The following ATG5 variants were observed in gnomAD, a reference collection of about 807,000 sequenced individuals.
ATG5 encodes the protein autophagy protein 5.
In ATG5, 14 loss-of-function variants were observed where a neutral mutation model predicts 36.5. The ratio of observed to expected loss-of-function variants is 0.38; its 90% CI spans 0.25 to 0.60. ATG5 has a LOEUF of 0.60. Among genes scored for constraint, ATG5 ranks in the 20% least tolerant of loss-of-function variants. ATG5 has a pLI of 0.60. For missense variants in ATG5, 195 were observed against 326.7 expected, an observed-to-expected ratio of 0.60 and a Z score of 3.11; for synonymous variants, 95 against 101.5, an observed-to-expected ratio of 0.94 and a Z score of 0.38.
chr6:106,318,051 AAAGTT>A (rs1770923230), intron 1 of ATG5, among the ~76,000 whole-genome samples: 1 of 152,214 alleles, frequency 6.6e-6, no homozygotes, highest in South Asian at 2.1e-4. Context: ...ATATTTAATA[AAAGTT>A]AATTACAAGC....
At chr6:106,232,898 G>A (rs1777745228) in intron 6 of ATG5, among the ~76,000 whole-genome samples, 1 of 151,990 alleles carries the variant, frequency 6.6e-6, no homozygotes, top group Admixed American at 6.5e-5. Flanking sequence ...ATTCTTATTT[G>A]CCTTTGAAGA....
At position 106,290,754 on chromosome 6, in the gene ATG5, C is replaced by A. The variant is rs118059426; in HGVS notation, c.315+2274G>T. On this transcript the variant is annotated intron_variant, in intron 4 of 7. Transcript: ENST00000369076. The stretch of plus-strand genomic sequence containing the variant: ...ATGCATGATCTTGTAACATCAAGCA[C>A]TGGTCATCTGGAAATGTTCACTGAT... Among the ~76,000 whole-genome samples, 127 of 152,332 alleles carry A rather than the reference C, an allele frequency of 8.3e-4. 2 individuals carry two copies. In the East Asian group the frequency reaches 0.021, roughly 25 times the overall value.
chr6:106,185,324 C>T lies in ATG5; in HGVS notation c.*1216G>A, dbSNP rs1249914309. 4 of 152,656 alleles carry T rather than the reference C, an allele frequency of 2.6e-5. No homozygotes were observed. The highest frequency in any genetic ancestry group is 4.8e-5 in the African/African-American group (2 of 41,398). 9.5% of individuals were successfully genotyped at this position (152,656 alleles called of 1,614,324 possible). ...GTGTCTGATACTGTAAGCCTTTTAG[C>T]GTACTCAAATGGGTCAACATTCAAT... On this transcript the variant is annotated 3_prime_UTR_variant, in exon 8 of 8. Transcript: ENST00000369076.
Position 106,293,175 on chromosome 6 carries a change from T to A in ATG5, c.237-69A>T, listed in dbSNP as rs942949511. Reference sequence around the variant, plus strand: ...TTATAACTACAAGGCCAAAATAAATTTCCAACACATATTTTAACACCAAAT... The same window carrying A: ...TTATAACTACAAGGCCAAAATAAATATCCAACACATATTTTAACACCAAAT... On this transcript the variant is annotated intron_variant, in intron 3 of 7. Transcript: ENST00000369076. 1.4e-5 allele frequency: 18 copies of A among 1,281,964 alleles called. No individual in the cohort carries two copies. The African/African-American group carries it at 2.5e-4, about 18-fold the overall frequency. 79.4% of individuals were successfully genotyped at this position (1,281,964 alleles called of 1,614,324 possible).
intron 6 of ATG5, among the ~76,000 whole-genome samples, chr6:106,229,646 T>C (rs1319574956): frequency 2.6e-5 from 4 of 152,190 alleles, no homozygotes; most frequent in Non-Finnish European, 4.4e-5. Flanking sequence ...TCCGCGACCC[T>C]ATAACACTCC....
chr6:106,186,617 G>A lies in ATG5; in HGVS notation c.751C>T (p.Leu251=), dbSNP rs770143894. The stretch of plus-strand genomic sequence containing the variant: ...CTCAGATGTTCACTCAGCCACTGCA[G>A]AGGTGTTTCCAACATTGGCTCAATT... The part of the protein sequence containing the change: ...HGIEPMLETP[L]QWLSEHLSYP... Residue 251 remains leucine (L), a synonymous_variant, in exon 8 of 8, where the codon CTG becomes TTG. Coordinates refer to ENST00000369076, the MANE Select transcript of ATG5 (RefSeq NM_004849.4). The A allele has an allele frequency of 6.2e-7, 1 of 1,613,698 alleles. No homozygotes were observed. Among genetic ancestry groups the A allele is most frequent in the African/African-American group, 1.3e-5 (1 of 75,032 alleles).
chr6:106,295,055 A>T (rs9398077), intron 3 of ATG5, among the ~76,000 whole-genome samples: 7,086 of 145,354 alleles, frequency 0.049, 450 homozygotes, highest in East Asian at 0.25. Flanking sequence ...ATTAAAAAAA[A>T]ATATACATAC....
At chr6:106,265,168 CAAAAA>C (rs748718301) in intron 5 of ATG5, among the ~76,000 whole-genome samples, 2 of 56,730 alleles carry the variant, frequency 3.5e-5, no homozygotes, top group African/African-American at 6.8e-5. Context: ...AAATGGAAAG[CAAAAA>C]AAAAAAAAAA....
chr6:106,262,559 T>G (rs968741145), intron 5 of ATG5, among the ~76,000 whole-genome samples: 2 of 151,826 alleles, frequency 1.3e-5, no homozygotes, highest in East Asian at 3.9e-4. Flanking sequence ...CATTCTCGAG[T>G]TGATAAGATG....
intron 7 of ATG5, among the ~76,000 whole-genome samples, chr6:106,192,021 T>A (rs1485755513): frequency 2.0e-5 from 3 of 152,148 alleles, no homozygotes; most frequent in Non-Finnish European, 4.4e-5. Flanking sequence ...ATAAATGTAT[T>A]TTTTAAAAGA....
intron 6 of ATG5, among the ~76,000 whole-genome samples, chr6:106,213,927 G>A (rs1050543239): frequency 2.0e-5 from 3 of 152,138 alleles, no homozygotes; most frequent in African/African-American, 4.8e-5. Flanking sequence ...AAAGGTAACA[G>A]TATTTAGTTG....
At chr6:106,302,170 T>C (rs1476889969) in intron 3 of ATG5, among the ~76,000 whole-genome samples, 1 of 152,008 alleles carries the variant, frequency 6.6e-6, no homozygotes, top group Non-Finnish European at 1.5e-5. Context: ...CAGGAGGGAA[T>C]ATATGAATGA....
intron 6 of ATG5, among the ~76,000 whole-genome samples, chr6:106,240,031 T>C (rs1191333264): frequency 6.6e-6 from 1 of 152,044 alleles, no homozygotes; most frequent in East Asian, 1.9e-4. Context: ...CTTGCTCTGT[T>C]GACCAGGCTG....
Position 106,291,071 on chromosome 6 carries a change from A to G in ATG5, c.315+1957T>C, listed in dbSNP as rs567558078. Among the ~76,000 whole-genome samples, 37 of 152,316 alleles carry G rather than the reference A, an allele frequency of 2.4e-4. 1 individual carries two copies. The highest frequency in any genetic ancestry group is 8.4e-4 in the African/African-American group (35 of 41,576). On this transcript the variant is annotated intron_variant, in intron 4 of 7. Transcript: ENST00000369076. ...CAGTTTGTCTGTCAATCATTCTTTC[A>G]AGTAAAATAATGGTGTTTCATAAAA... is the stretch of plus-strand genomic sequence containing the variant.
chr6:106,300,692 A>G (rs1770174222), intron 3 of ATG5, among the ~76,000 whole-genome samples: 1 of 152,122 alleles, frequency 6.6e-6, no homozygotes, highest in Non-Finnish European at 1.5e-5. Context: ...ACTCTAGACA[A>G]CTGTAACACA....
chr6:106,240,824 G>C (rs756090936), intron 6 of ATG5, among the ~76,000 whole-genome samples: 49 of 152,236 alleles, frequency 3.2e-4, no homozygotes, highest in Middle Eastern at 3.4e-3. Flanking sequence ...AAATTACAGT[G>C]CATCTACAGA....
intron 6 of ATG5, among the ~76,000 whole-genome samples, chr6:106,230,709 G>A (rs1339276034): frequency 2.6e-5 from 4 of 152,158 alleles, no homozygotes; most frequent in Admixed American, 1.3e-4. Context: ...GTATTCTGGA[G>A]AATTGGGACC....
At chr6:106,311,186 A>G (rs1490594128) in intron 2 of ATG5, among the ~76,000 whole-genome samples, 1 of 152,234 alleles carries the variant, frequency 6.6e-6, no homozygotes. Context: ...CAATGTGTAA[A>G]GCATCATACT....
chr6:106,302,217 G>A (rs1770242091), intron 3 of ATG5, among the ~76,000 whole-genome samples: 1 of 151,928 alleles, frequency 6.6e-6, no homozygotes, highest in African/African-American at 2.4e-5. Context: ...ATGCTGGAAA[G>A]AGCAAAAAAG....
Sources: gnomAD v4.1 joint callset for allele counts (sites outside exome capture counted in the v4.1 genomes callset) on GRCh38, gnomAD v4.1.1 for gene constraint, MANE v1.5 for transcripts, NCBI Gene and HGNC (gene_info 2026-07-23, HGNC 2026-07-21) for gene names.